The following NDUFAF3 variants were observed in gnomAD, a reference collection of about 807,000 sequenced individuals.
NDUFAF3 encodes NADH dehydrogenase [ubiquinone] 1 alpha subcomplex assembly factor 3.
In NDUFAF3, 21 loss-of-function variants were observed where a neutral mutation model predicts 22.6. The observed-to-expected ratio is 0.93, with a 90% CI of 0.66 to 1.34. The LOEUF (loss-of-function observed/expected upper bound fraction) is 1.34. NDUFAF3 is among the 40% of genes most tolerant of loss of function. The pLI is 0.00. For missense variants in NDUFAF3, 251 were observed against 248.4 expected, an observed-to-expected ratio of 1.01 and a Z score of -0.07; for synonymous variants, 113 against 104.9, an observed-to-expected ratio of 1.08 and a Z score of -0.47.
Position 49,023,086 on chromosome 3 carries a change from T to G in NDUFAF3, c.469T>G (p.Cys157Gly). 1 of 1,614,174 alleles carries G rather than the reference T, an allele frequency of 6.2e-7. No homozygotes were observed. Among genetic ancestry groups the G allele is most frequent in the South Asian group, 1.1e-5 (1 of 91,088 alleles). Residue 157 changes from cysteine (C) to glycine (G), a missense_variant, in exon 5 of 5, where the codon TGT (cysteine) becomes GGT (glycine). Coordinates refer to ENST00000326925, the MANE Select transcript of NDUFAF3 (RefSeq NM_199069.2). ...TGCCTGTGCCACCTTCAACTTCCTG[T>G]GTCATGAAGGCCGAGTAACTGGAGC... ...PNACATFNFL[C>G]HEGRVTGAAL...
At chr3:49,021,559 C>G (rs1206506880), upstream of NDUFAF3, 3 of 157,636 alleles carry the variant, frequency 1.9e-5, no homozygotes, top group Non-Finnish European at 4.2e-5. The surrounding 1 kb of genome is among the most constrained non-coding windows in gnomAD (Gnocchi z 4.1). Flanking sequence ...GCCACGCCCC[C>G]TAGAGAACCC....
chr3:49,022,752 G>T lies in NDUFAF3; in HGVS notation c.321G>T (p.Leu107Phe). 1 of 1,614,084 alleles carries T rather than the reference G, an allele frequency of 6.2e-7. No individual in the cohort carries two copies. The highest frequency in any genetic ancestry group is 8.5e-7 in the Non-Finnish European group (1 of 1,180,036). Residue 107 changes from leucine to phenylalanine, a missense_variant, in exon 3 of 5, where the codon TTG becomes TTT. By Grantham distance (22) the Leu-to-Phe change is conservative (BLOSUM62 0). Coordinates refer to ENST00000326925, the MANE Select transcript of NDUFAF3 (RefSeq NM_199069.2). The surrounding 1 kb of genome is among the most constrained non-coding windows in gnomAD (Gnocchi z 6.6). ...AAGACAGCTTTTCCCTCTTCTGGTT[G>T]CTGGAGCCCCGGATAGGTACTGGGG... The part of the protein sequence containing the change: ...ITEDSFSLFW[L>F]LEPRIEIVVV...
upstream of NDUFAF3, chr3:49,021,214 C>G (rs2093153276): frequency 2.0e-5 from 3 of 152,520 alleles, no homozygotes; most frequent in South Asian, 6.0e-4. This position sits in a 1 kb window ranked among gnomAD's most constrained non-coding sequence, Gnocchi z 4.1. Flanking sequence ...TGCCGAGCTT[C>G]CCGCTCGCCC....
upstream of NDUFAF3, chr3:49,021,798 C>A (rs554925984): frequency 2.4e-4 from 88 of 364,726 alleles, no homozygotes; most frequent in African/African-American, 1.5e-3. The surrounding 1 kb of genome is among the most constrained non-coding windows in gnomAD (Gnocchi z 4.1). Context: ...GGCGGTCGCC[C>A]CGCCCCGGGA....
chr3:49,022,177 C>T lies in NDUFAF3; in HGVS notation c.33C>T (p.Tyr11=), dbSNP rs1227283312. The change falls in exon 1 of 5, where the codon TAC becomes TAT. Residue 11 remains tyrosine (Y), a synonymous_variant. Coordinates refer to ENST00000326925, the MANE Select transcript of NDUFAF3 (RefSeq NM_199069.2). This position sits in a 1 kb window ranked among gnomAD's most constrained non-coding sequence, Gnocchi z 6.6. Reference sequence around the variant, plus strand: ...CCGCTCTCGCGCTACGTAGCTTGTACCGAGCGCGACCCTCGCTGCGCTGTC... The same window carrying T: ...CCGCTCTCGCGCTACGTAGCTTGTATCGAGCGCGACCCTCGCTGCGCTGTC... MATALALRSL[Y]RARPSLRCPP... 1.9e-6 allele frequency: 3 copies of T among 1,610,336 alleles called. No homozygotes were observed. Among genetic ancestry groups the T allele is most frequent in the Middle Eastern group, 1.6e-4 (1 of 6,084 alleles).
rs781688540 is a variant in NDUFAF3, at chr3:49,022,315, G to A, written c.78-31G>A. On this transcript the variant is annotated intron_variant, in intron 1 of 4. Transcript: ENST00000326925. The surrounding 1 kb of genome is among the most constrained non-coding windows in gnomAD (Gnocchi z 6.6). ...CCGGCCTCTCGGGCTGCCCGGCCCG[G>A]CCCCGCGCCCCTGACCCTTTCCCTC... is the stretch of plus-strand genomic sequence containing the variant. 2.5e-6 allele frequency: 4 copies of A among 1,607,470 alleles called. No individual in the cohort carries two copies. The highest frequency in any genetic ancestry group is 3.4e-6 in the Non-Finnish European group (4 of 1,178,350).
chr3:49,023,447 C>T lies in NDUFAF3; in HGVS notation c.*275C>T. Reference sequence around the variant, plus strand: ...AGTATGTTTGCCTGTTGTAGACCTACTTGCTCACATGCAGATTTGAGAGGA... The same window carrying T: ...AGTATGTTTGCCTGTTGTAGACCTATTTGCTCACATGCAGATTTGAGAGGA... On this transcript the variant is annotated 3_prime_UTR_variant, in exon 5 of 5. Coordinates refer to ENST00000326925, the MANE Select transcript of NDUFAF3 (RefSeq NM_199069.2). The T allele has an allele frequency of 2.0e-6, 1 of 495,010 alleles. No individual in the cohort carries two copies. The highest frequency in any genetic ancestry group is 3.8e-5 in the East Asian group (1 of 26,126). The allele number at this position is 495,010 out of a possible 1,614,324, so 30.7% of individuals were successfully genotyped here.
chr3:49,022,948 G>A lies in NDUFAF3; in HGVS notation c.410G>A (p.Arg137Gln), dbSNP rs1385881253. 2.5e-6 allele frequency: 4 copies of A among 1,614,124 alleles called. No individual in the cohort carries two copies. Among genetic ancestry groups the A allele is most frequent in the African/African-American group, 2.7e-5 (2 of 75,046 alleles). ...CAGGTGCTTCAAGCCATGAGGCAGCGGGGCATTGCTGTGGAAGTGCAGGAC... is the reference window on the plus strand; with the variant it reads ...CAGGTGCTTCAAGCCATGAGGCAGCAGGGCATTGCTGTGGAAGTGCAGGAC... ...QSQVLQAMRQ[R>Q]GIAVEVQDTP... The change falls in exon 4 of 5, where the codon CGG (arginine) becomes CAG (glutamine). Residue 137 changes from arginine to glutamine, a missense_variant. Transcript: ENST00000326925. The surrounding 1 kb of genome is among the most constrained non-coding windows in gnomAD (Gnocchi z 6.6).
chr3:49,020,533 G>A, upstream of NDUFAF3: 1 of 439,330 alleles, frequency 2.3e-6, no homozygotes, highest in South Asian at 1.6e-5. Flanking sequence ...GCCTGAGGGC[G>A]CAACTGAGAG....
Position 49,023,368 on chromosome 3 carries a change from C to CA in NDUFAF3, c.*197dup. ...GGGGAATGTGAAGAAACCAAGGAGT[C>CA]ACTTTTTCATCTAGATTACTTAGGA... is the stretch of plus-strand genomic sequence containing the variant. On this transcript the variant is annotated 3_prime_UTR_variant, in exon 5 of 5. Coordinates refer to ENST00000326925, the MANE Select transcript of NDUFAF3 (RefSeq NM_199069.2). The CA allele has an allele frequency of 1.6e-6, 1 of 638,536 alleles. No homozygotes were observed. The highest frequency in any genetic ancestry group is 1.7e-5 in the South Asian group (1 of 57,786). The allele number at this position is 638,536 out of a possible 1,614,324, so 39.6% of individuals were successfully genotyped here. A position where few individuals can be genotyped will look rare whatever the true frequency, so the allele number is the denominator to read the frequency against.
chr3:49,021,687 C>T (rs2093158946), upstream of NDUFAF3: 1 of 179,540 alleles, frequency 5.6e-6, no homozygotes. The surrounding 1 kb of genome is among the most constrained non-coding windows in gnomAD (Gnocchi z 4.1). Flanking sequence ...AAACTTGAGC[C>T]GGCTGCCCCG....
At chr3:49,020,663 T>A (rs1342877473), upstream of NDUFAF3, 2 of 493,678 alleles carry the variant, frequency 4.1e-6, no homozygotes, top group Admixed American at 4.4e-5. Flanking sequence ...TGGAATGCTC[T>A]GGAGACAACA....
Position 49,023,120 on chromosome 3 carries a change from T to G in NDUFAF3, c.503T>G (p.Ile168Ser), listed in dbSNP as rs372984120. ...GGCCGAGTAACTGGAGCTGCTCTCA[T>G]CCCTCCACCAGGAGGGACTTCACTT... is the stretch of plus-strand genomic sequence containing the variant. ...HEGRVTGAAL[I>S]PPPGGTSLTS... The change falls in exon 5 of 5, where the codon ATC (isoleucine) becomes AGC (serine). Residue 168 changes from isoleucine to serine, a missense_variant. Transcript: ENST00000326925. 1 of 1,613,948 alleles carries G rather than the reference T, an allele frequency of 6.2e-7. No individual in the cohort carries two copies. The highest frequency in any genetic ancestry group is 1.3e-5 in the African/African-American group (1 of 74,902).
At position 49,022,516 on chromosome 3, in the gene NDUFAF3, C is replaced by T. The variant is rs1375889507; in HGVS notation, c.248C>T (p.Pro83Leu). Residue 83 changes from proline (P) to leucine (L), a missense_variant, in exon 2 of 5, where the codon CCG becomes CTG. Pro to Leu is a moderately conservative substitution (Grantham distance 98, BLOSUM62 -3). Transcript: ENST00000326925. The surrounding 1 kb of genome is among the most constrained non-coding windows in gnomAD (Gnocchi z 6.6). Reference sequence around the variant, plus strand: ...GTGCTCGGCCCCTGCGCTCTGCTCCCGCACTCGGTGGTGCAGTGGAACGTG... The same window carrying T: ...GTGCTCGGCCCCTGCGCTCTGCTCCTGCACTCGGTGGTGCAGTGGAACGTG... The part of the protein sequence containing the change: ...NRVLGPCALL[P>L]HSVVQWNVGS... The T allele has an allele frequency of 6.2e-7, 1 of 1,613,268 alleles. No homozygotes were observed. Among genetic ancestry groups the T allele is most frequent in the Non-Finnish European group, 8.5e-7 (1 of 1,179,940 alleles).
chr3:49,021,963 G>T, upstream of NDUFAF3: 4 of 644,992 alleles, frequency 6.2e-6, no homozygotes, highest in Admixed American at 1.0e-4. This position sits in a 1 kb window ranked among gnomAD's most constrained non-coding sequence, Gnocchi z 4.1. Context: ...CTGGAGCTGC[G>T]CCGGAGGTCG....
rs1250489555 is a variant in NDUFAF3 at position 49,022,350 on chromosome 3, C to A, written c.82C>A (p.Pro28Thr). ...RCPPVELPWA[P>T]RRGHRLSPAD... ...CCTGACCCTTTCCCTCCGCAGGGCC[C>A]CGCGGCGAGGGCATCGGCTCTCGCC... The change falls in exon 2 of 5, where the codon CCG (proline) becomes ACG (threonine). Residue 28 changes from proline to threonine, a missense_variant. Physicochemically the swap from Pro to Thr is conservative, Grantham distance 38 (BLOSUM62 -1). Coordinates refer to ENST00000326925, the MANE Select transcript of NDUFAF3 (RefSeq NM_199069.2). The surrounding 1 kb of genome is among the most constrained non-coding windows in gnomAD (Gnocchi z 6.6). The A allele has an allele frequency of 6.2e-7, 1 of 1,611,822 alleles. No homozygotes were observed. Among genetic ancestry groups the A allele is most frequent in the Non-Finnish European group, 8.5e-7 (1 of 1,179,892 alleles).
chr3:49,021,878 C>T (rs1336680217), upstream of NDUFAF3: 2 of 543,198 alleles, frequency 3.7e-6, no homozygotes, highest in Non-Finnish European at 6.5e-6. This position sits in a 1 kb window ranked among gnomAD's most constrained non-coding sequence, Gnocchi z 4.1. Flanking sequence ...CTGAGGGTGG[C>T]CACGCTGCCA....
At chr3:49,022,073 C>G (rs1395015952), upstream of NDUFAF3, 18 of 1,501,096 alleles carry the variant, frequency 1.2e-5, no homozygotes, top group Non-Finnish European at 1.4e-5. This position sits in a 1 kb window ranked among gnomAD's most constrained non-coding sequence, Gnocchi z 6.6. Flanking sequence ...CACGCTGGGT[C>G]AGGCTCCGCA....
At position 49,022,767 on chromosome 3, in the gene NDUFAF3, A is replaced by T. The variant is rs147760763; in HGVS notation, c.336A>T (p.Ile112=). 8.7e-5 allele frequency: 140 copies of T among 1,614,002 alleles called. 1 individual carries two copies. The African/African-American group carries it at 1.5e-3, about 18-fold the overall frequency. Residue 112 remains isoleucine (I), a splice_region_variant and synonymous_variant, in exon 3 of 5, where the codon ATA becomes ATT. Coordinates refer to ENST00000326925, the MANE Select transcript of NDUFAF3 (RefSeq NM_199069.2). The surrounding 1 kb of genome is among the most constrained non-coding windows in gnomAD (Gnocchi z 6.6). ...FSLFWLLEPR[I]EIVVVGTGDR... ...TCTTCTGGTTGCTGGAGCCCCGGAT[A>T]GGTACTGGGGAAGGGGAGGGAGAAC...
Sources: allele counts gnomAD v4.1 joint callset, GRCh38; gene constraint gnomAD v4.1.1; non-coding constraint Gnocchi (gnomAD v3.1); transcripts MANE v1.5; gene names NCBI Gene and HGNC (gene_info 2026-07-23, HGNC 2026-07-21).